NAV1: variants seen among roughly 807,000 people sequenced by gnomAD.
NAV1 encodes the protein pore membrane and/or filament interacting like protein 3.
A neutral mutation model predicts 175.2 loss-of-function variants in NAV1; 18 were observed. The ratio of observed to expected loss-of-function variants is 0.10; its 90% CI spans 0.07 to 0.15. NAV1 has a LOEUF of 0.15. Among genes scored for constraint, NAV1 ranks in the 10% least tolerant of loss-of-function variants. The probability of loss-of-function intolerance (pLI) is 1.00; values close to 1 mark genes in which losing one functional copy is unlikely to be tolerated. For missense variants in NAV1, 1,731 were observed against 2,436.6 expected, an observed-to-expected ratio of 0.71 and a Z score of 6.10; for synonymous variants, 897 against 978.7, an observed-to-expected ratio of 0.92 and a Z score of 1.56.
upstream of NAV1, among the ~76,000 whole-genome samples, chr1:201,620,225 T>C (rs1300891287): frequency 2.0e-5 from 3 of 152,104 alleles, no homozygotes; most frequent in Non-Finnish European, 4.4e-5. Context: ...CTCCACAATA[T>C]GGAAGGGGGG....
intron 1 of NAV1, among the ~76,000 whole-genome samples, chr1:201,685,009 G>T (rs1670625885): frequency 6.7e-6 from 1 of 149,808 alleles, no homozygotes; most frequent in South Asian, 2.1e-4. Context: ...GGGCGCGGTG[G>T]CTTATGCCTG....
chr1:201,680,952 C>A (rs932992687), intron 1 of NAV1, among the ~76,000 whole-genome samples: 1 of 152,194 alleles, frequency 6.6e-6, no homozygotes, highest in Admixed American at 6.5e-5. Context: ...GGTTCAATCG[C>A]AAGTCTTGTT....
At chr1:201,731,983 C>G (rs754728559) in intron 3 of NAV1, among the ~76,000 whole-genome samples, 2 of 152,198 alleles carry the variant, frequency 1.3e-5, no homozygotes, top group Non-Finnish European at 2.9e-5. Context: ...CTGGATTTAG[C>G]CAGGGAAAAT....
At chr1:201,582,809 T>G (rs181017280) in intron 1 of NAV1, among the ~76,000 whole-genome samples, 1 of 152,296 alleles carries the variant, frequency 6.6e-6, no homozygotes, top group East Asian at 1.9e-4. Flanking sequence ...CCCAGCCTGG[T>G]CAACAGCCCC....
chr1:201,763,342 T>G (rs777560870), intron 3 of NAV1, among the ~76,000 whole-genome samples: 2 of 152,208 alleles, frequency 1.3e-5, no homozygotes, highest in Non-Finnish European at 2.9e-5. Flanking sequence ...GGACTGCCTT[T>G]TATCTTTTGA....
At chr1:201,648,369 A>T in exon 1 of NAV1, 1 of 1,215,050 alleles carries the variant, frequency 8.2e-7, no homozygotes, top group Non-Finnish European at 1.0e-6. Flanking sequence ...TTAAATTTTA[A>T]TTTGTATTTT....
exon 5 of NAV1, chr1:201,781,142 A>G: frequency 6.2e-7 from 1 of 1,614,220 alleles, no homozygotes; most frequent in South Asian, 1.1e-5. Context: ...GGGACTTCTA[A>G]GTGGCGGAGG....
intron 3 of NAV1, among the ~76,000 whole-genome samples, chr1:201,778,333 G>A (rs143818786): frequency 3.3e-5 from 5 of 152,264 alleles, no homozygotes; most frequent in Non-Finnish European, 4.4e-5. Flanking sequence ...TTTGCCTCAC[G>A]ACCTTGATTA....
intron 2 of NAV1, among the ~76,000 whole-genome samples, chr1:201,614,972 G>A (rs1558019874): frequency 1.3e-5 from 2 of 152,198 alleles, no homozygotes; most frequent in East Asian, 3.8e-4. Flanking sequence ...CAACTAAAAA[G>A]TGTTTGATTT....
At chr1:201,656,633 G>T (rs910559142) in intron 1 of NAV1, among the ~76,000 whole-genome samples, 1 of 152,182 alleles carries the variant, frequency 6.6e-6, no homozygotes, top group Non-Finnish European at 1.5e-5. Context: ...GGTGAGGTTG[G>T]GTGTCAGGGT....
intron 1 of NAV1, among the ~76,000 whole-genome samples, chr1:201,570,096 T>C (rs926435152): frequency 5.9e-5 from 9 of 152,224 alleles, no homozygotes; most frequent in Non-Finnish European, 1.2e-4. Flanking sequence ...TGAGCGCTTC[T>C]CTGGCCTCTT....
intron 1 of NAV1, among the ~76,000 whole-genome samples, chr1:201,554,469 G>C (rs567782067): frequency 6.6e-6 from 1 of 152,112 alleles, no homozygotes; most frequent in Non-Finnish European, 1.5e-5. Flanking sequence ...GGGAGAGTTG[G>C]GCCAGCAGAT....
At chr1:201,617,764 A>G (rs1289715617) in intron 2 of NAV1, among the ~76,000 whole-genome samples, 1 of 152,158 alleles carries the variant, frequency 6.6e-6, no homozygotes, top group Non-Finnish European at 1.5e-5. Flanking sequence ...TCTCAGACAC[A>G]TTTTTGTCTA....
chr1:201,591,467 C>T (rs1244293658), intron 2 of NAV1, among the ~76,000 whole-genome samples: 1 of 152,178 alleles, frequency 6.6e-6, no homozygotes, highest in African/African-American at 2.4e-5. Flanking sequence ...GCCCCAGGTG[C>T]TCCCAGCCAG....
intron 7 of NAV1, among the ~76,000 whole-genome samples, chr1:201,784,407 A>C (rs1222006400): frequency 1.3e-5 from 2 of 151,958 alleles, no homozygotes; most frequent in South Asian, 2.1e-4. Flanking sequence ...ATCTGCCTAC[A>C]TCAGCTTCCC....
intron 2 of NAV1, 90 bp downstream of exon 6, chr1:201,713,009 C>T: frequency 1.1e-6 from 1 of 914,010 alleles, no homozygotes; most frequent in Admixed American, 1.8e-5. Flanking sequence ...TCCCTCCACA[C>T]CTCTGCCAGG....
At chr1:201,816,762 A>C in intron 28 of NAV1, 1 of 200,236 alleles carries the variant, frequency 5.0e-6, no homozygotes, top group South Asian at 7.9e-5. Context: ...CGCAGGTTCA[A>C]GTGATTCTCC....
chr1:201,657,795 G>A (rs2819396), intron 1 of NAV1, among the ~76,000 whole-genome samples: 11,184 of 152,260 alleles, frequency 0.073, 1,317 homozygotes, highest in African/African-American at 0.25. Context: ...ACTTTGGGAG[G>A]CCGAGGCAGG....
chr1:201,655,798 AG>A (rs1456423288), intron 1 of NAV1, among the ~76,000 whole-genome samples: 1 of 152,190 alleles, frequency 6.6e-6, no homozygotes, highest in Non-Finnish European at 1.5e-5. Context: ...GCCTGGGATA[AG>A]CAGGGTGACC....
Sources: gnomAD v4.1 joint callset for allele counts (sites outside exome capture counted in the v4.1 genomes callset) on GRCh38, gnomAD v4.1.1 for gene constraint, MANE v1.5 for transcripts, NCBI Gene and HGNC (gene_info 2026-07-23, HGNC 2026-07-21) for gene names.